Variants in SPTBN1 observed in about 807,000 individuals in gnomAD.
SPTBN1 encodes the protein spectrin beta, non-erythrocytic 1, also known as spectrin beta chain, non-erythrocytic 1.
Under a neutral mutation model 266.4 loss-of-function variants are expected in SPTBN1, and 32 were observed. The ratio of observed to expected loss-of-function variants is 0.12; its 90% CI spans 0.09 to 0.16. The LOEUF (loss-of-function observed/expected upper bound fraction) is 0.16. SPTBN1 is among the 10% of genes least tolerant of loss of function. The pLI, the probability that SPTBN1 is intolerant of heterozygous loss-of-function variation, is 1.00. For synonymous variants in SPTBN1, 1,336 were observed against 1,162.2 expected, an observed-to-expected ratio of 1.15 and a Z score of -3.04; for missense variants, 2,296 against 3,067.1, an observed-to-expected ratio of 0.75 and a Z score of 5.94.
chr2:54,630,199 G>T (rs1445320109), intron 15 of SPTBN1, among the ~76,000 whole-genome samples, 170 bp downstream of exon 15: 1 of 152,220 alleles, frequency 6.6e-6, no homozygotes, highest in Non-Finnish European at 1.5e-5. Flanking sequence ...TTTGTAAGAA[G>T]TGTCTCTCAG....
At chr2:54,516,881 A>T (rs993755711) in intron 1 of SPTBN1, among the ~76,000 whole-genome samples, 1 of 152,188 alleles carries the variant, frequency 6.6e-6, no homozygotes, top group African/African-American at 2.4e-5. Context: ...TAAGATTTAC[A>T]TTGGTTTGAC....
chr2:54,580,973 G>T (rs981957296), intron 2 of SPTBN1, among the ~76,000 whole-genome samples: 1 of 151,672 alleles, frequency 6.6e-6, no homozygotes, highest in Non-Finnish European at 1.5e-5. Flanking sequence ...TGGCACACAC[G>T]TGTAATCCCA....
chr2:54,557,843 T>G, intron 2 of SPTBN1: 1 of 985,460 alleles, frequency 1.0e-6, no homozygotes, highest in Non-Finnish European at 1.2e-6. Flanking sequence ...CTCCCCTGGC[T>G]GTGGCGCTGC....
At chr2:54,485,110 A>C (rs1467785667) in intron 1 of SPTBN1, among the ~76,000 whole-genome samples, 1 of 147,682 alleles carries the variant, frequency 6.8e-6, no homozygotes, top group Non-Finnish European at 1.5e-5. Context: ...CCGTTCAGTA[A>C]GGAACCAGAA....
chr2:54,646,993 C>T lies in SPTBN1; in HGVS notation c.4867-138C>T. ...AAGCTCTTGGAACACTTCTGTGTTC[C>T]ACTGTCCGTACTGCACCTCTGGAGT... On this transcript the variant is annotated intron_variant, in intron 23 of 35. Transcript: ENST00000356805. The surrounding 1 kb of genome is among the most constrained non-coding windows in gnomAD (Gnocchi z 4.4). 8.0e-7 allele frequency: 1 copy of T among 1,245,966 alleles called. No individual in the cohort carries two copies. Among genetic ancestry groups the T allele is most frequent in the Non-Finnish European group, 1.1e-6 (1 of 903,568 alleles). The allele number at this position is 1,245,966 out of a possible 1,614,324, so 77.2% of individuals were successfully genotyped here.
Position 54,649,770 on chromosome 2 carries a change from C to G in SPTBN1, c.5358C>G (p.Ala1786=). Residue 1786 remains alanine (A), a synonymous_variant, in exon 26 of 36, where the codon GCC becomes GCG. Transcript: ENST00000356805. This position sits in a 1 kb window ranked among gnomAD's most constrained non-coding sequence, Gnocchi z 6.7. ...AATGGAAGGATGGCCTCAATGAAGC[C>G]TGGGCCGACCTCCTGGAGCTCATTG... ...IAEWKDGLNE[A]WADLLELIDT... is the part of the protein sequence containing the mutation. 6.2e-7 allele frequency: 1 copy of G among 1,614,194 alleles called. No homozygotes were observed. Among genetic ancestry groups the G allele is most frequent in the Non-Finnish European group, 8.5e-7 (1 of 1,180,040 alleles).
At chr2:54,496,336 G>A (rs1192311872) in intron 1 of SPTBN1, among the ~76,000 whole-genome samples, 1 of 151,478 alleles carries the variant, frequency 6.6e-6, no homozygotes, top group African/African-American at 2.4e-5. Context: ...TACTCGGGAG[G>A]CTGAGGCTGG....
chr2:54,492,193 A>T (rs1469288532), intron 1 of SPTBN1, among the ~76,000 whole-genome samples: 1 of 151,954 alleles, frequency 6.6e-6, no homozygotes, highest in African/African-American at 2.4e-5. Context: ...TCACATATAC[A>T]CTCACATTTT....
Position 54,629,370 on chromosome 2 carries a change from C to A in SPTBN1, c.2236C>A (p.Leu746Met), listed in dbSNP as rs1183506425. Residue 746 changes from leucine to methionine, a missense_variant, in exon 14 of 36, where the codon CTG (leucine) becomes ATG (methionine). By Grantham distance (15) the Leu-to-Met change is conservative. Coordinates refer to ENST00000356805, the MANE Select transcript of SPTBN1 (RefSeq NM_003128.3). ...GAAGCGCCTGGAGGAGGCCTCCCTG[C>A]TGCACCAGTTCCAGGCAGATGCTGA... ...RKKRLEEASL[L>M]HQFQADADDI... 2.5e-6 allele frequency: 4 copies of A among 1,614,030 alleles called. No homozygotes were observed. Among genetic ancestry groups the A allele is most frequent in the Non-Finnish European group, 3.4e-6 (4 of 1,180,042 alleles).
intron 34 of SPTBN1, 55 bp downstream of exon 34, chr2:54,666,143 C>G: frequency 6.5e-7 from 1 of 1,540,208 alleles, no homozygotes; most frequent in Non-Finnish European, 8.8e-7. Flanking sequence ...TACTTCCACT[C>G]TGGGGTTTGG....
At chr2:54,486,430 T>C (rs1573249045) in intron 1 of SPTBN1, among the ~76,000 whole-genome samples, 1 of 152,308 alleles carries the variant, frequency 6.6e-6, no homozygotes, top group South Asian at 2.1e-4. Context: ...CCCCCAACCC[T>C]GTGCTCTCTG....
At chr2:54,598,211 C>T (rs1176073088) in intron 2 of SPTBN1, among the ~76,000 whole-genome samples, 1 of 152,162 alleles carries the variant, frequency 6.6e-6, no homozygotes, top group Non-Finnish European at 1.5e-5. Context: ...CTTTGAAAAA[C>T]CTTTAACACT....
intron 2 of SPTBN1, among the ~76,000 whole-genome samples, chr2:54,546,972 A>AC (rs1179042511): frequency 1.1e-4 from 16 of 152,038 alleles, no homozygotes; most frequent in Admixed American, 5.2e-4. Flanking sequence ...AAAAAAAAAA[A>AC]AACCACATAA....
intron 31 of SPTBN1, among the ~76,000 whole-genome samples, chr2:54,659,631 C>T (rs1243354874): frequency 6.6e-6 from 1 of 152,064 alleles, no homozygotes; most frequent in East Asian, 1.9e-4. Context: ...AGTAACTTCA[C>T]ACAGAGGGCA....
chr2:54,481,970 A>C (rs1668125384), intron 1 of SPTBN1, among the ~76,000 whole-genome samples: 1 of 152,086 alleles, frequency 6.6e-6, no homozygotes, highest in African/African-American at 2.4e-5. Context: ...TTTCCTCCGC[A>C]TGGCTTCCTT....
chr2:54,555,948 C>A (rs538103846), intron 2 of SPTBN1, among the ~76,000 whole-genome samples: 40 of 152,282 alleles, frequency 2.6e-4, no homozygotes, highest in Non-Finnish European at 5.1e-4. Flanking sequence ...TTAGAGCTGT[C>A]CTCCCCTGGC....
chr2:54,607,983 G>C (rs936070049), intron 3 of SPTBN1, among the ~76,000 whole-genome samples: 1 of 152,158 alleles, frequency 6.6e-6, no homozygotes, highest in Admixed American at 6.5e-5. Context: ...ACAGCACATA[G>C]CTGAGGATCT....
chr2:54,521,736 T>G (rs543366672), intron 1 of SPTBN1, among the ~76,000 whole-genome samples: 1 of 152,170 alleles, frequency 6.6e-6, no homozygotes, highest in Admixed American at 6.5e-5. Flanking sequence ...CTTGCCCAGG[T>G]TGGTCTCAAA....
intron 1 of SPTBN1, among the ~76,000 whole-genome samples, chr2:54,493,903 T>G (rs1299283745): frequency 6.6e-6 from 1 of 152,130 alleles, no homozygotes; most frequent in Non-Finnish European, 1.5e-5. Flanking sequence ...ACAACAGAAG[T>G]TAATATAACT....
Sources: gnomAD v4.1 joint callset for allele counts (sites outside exome capture counted in the v4.1 genomes callset) on GRCh38, gnomAD v4.1.1 for gene constraint, Gnocchi (gnomAD v3.1) non-coding constraint, MANE v1.5 for transcripts, NCBI Gene and HGNC (gene_info 2026-07-23, HGNC 2026-07-21) for gene names.